The following ACOT11 variants were observed in gnomAD, a reference collection of about 807,000 sequenced individuals.
ACOT11 encodes the protein acyl-coenzyme A thioesterase 11.
A neutral mutation model predicts 77.5 loss-of-function variants in ACOT11; 69 were observed. The ratio of observed to expected loss-of-function variants is 0.89; its 90% confidence interval spans 0.73 to 1.09. The LOEUF is 1.09. Among genes scored for constraint, ACOT11 ranks in the 50% least tolerant of loss-of-function variants. The pLI is 0.00. For synonymous variants in ACOT11, 279 were observed against 313.0 expected, an observed-to-expected ratio of 0.89 and a Z score of 1.15; for missense variants, 766 against 813.7, an observed-to-expected ratio of 0.94 and a Z score of 0.71.
At chr1:54,617,227 A>G (rs925914446) in intron 15 of ACOT11, among the ~76,000 whole-genome samples, 2 of 152,158 alleles carry the variant, frequency 1.3e-5, no homozygotes, top group African/African-American at 4.8e-5. Context: ...AGCTGTCTCT[A>G]GATAATCATG....
In ACOT11 at chr1:54,599,353, C is replaced by A; in HGVS notation, c.822C>A (p.Gly274=). 1 of 1,609,318 alleles carries A rather than the reference C, an allele frequency of 6.2e-7. No homozygotes were observed. Among genetic ancestry groups the A allele is most frequent in the South Asian group, 1.1e-5 (1 of 90,590 alleles). Residue 274 remains glycine, a synonymous_variant, in exon 8 of 16, where the codon GGC becomes GGA. Coordinates refer to ENST00000343744, the MANE Select transcript of ACOT11 (RefSeq NM_147161.4). Reference sequence around the variant, plus strand: ...CCATTGAAATGTTCCACTTCCGAGGCCCGTCCCAGGTCGGCGACCGTCTGG... The same window carrying A: ...CCATTGAAATGTTCCACTTCCGAGGACCGTCCCAGGTCGGCGACCGTCTGG... ...LKAIEMFHFR[G]PSQVGDRLVL... is the part of the protein sequence containing the mutation.
chr1:54,603,920 T>C lies in ACOT11; in HGVS notation c.1135T>C (p.Trp379Arg). Residue 379 changes from tryptophan (W) to arginine (R), a missense_variant, in exon 11 of 16, where the codon TGG becomes CGG. Coordinates refer to ENST00000343744, the MANE Select transcript of ACOT11 (RefSeq NM_147161.4). ...KQTEVPLSVPWDPSNQVYLSY... is the reference protein window; with the variant it reads ...KQTEVPLSVPRDPSNQVYLSY... ...GACAGAGGTGCCCCTCTCCGTCCCC[T>C]GGGACCCTAGCAACCAGGTAAGGCT... 6.2e-7 allele frequency: 1 copy of C among 1,614,092 alleles called. No homozygotes were observed. Among genetic ancestry groups the C allele is most frequent in the Admixed American group, 1.7e-5 (1 of 60,014 alleles).
intron 1 of ACOT11, chr1:54,573,336 A>G: frequency 1.5e-6 from 1 of 682,624 alleles, no homozygotes; most frequent in Non-Finnish European, 1.8e-6. Context: ...TATATGTGCA[A>G]GTTACCTTTT....
At chr1:54,558,514 G>T (rs912964164) in intron 1 of ACOT11, among the ~76,000 whole-genome samples, 1 of 152,192 alleles carries the variant, frequency 6.6e-6, no homozygotes, top group Non-Finnish European at 1.5e-5. Context: ...TGATGAGGGG[G>T]TCAGGGGAGA....
At chr1:54,580,911 G>A (rs1654282664) in intron 1 of ACOT11, among the ~76,000 whole-genome samples, 2 of 152,238 alleles carry the variant, frequency 1.3e-5, no homozygotes, top group African/African-American at 4.8e-5. Flanking sequence ...GTTGGGGGAA[G>A]ACAGCGGGAG....
intron 15 of ACOT11, among the ~76,000 whole-genome samples, chr1:54,617,615 G>C (rs1371407548): frequency 6.7e-6 from 1 of 149,292 alleles, no homozygotes; most frequent in African/African-American, 2.5e-5. Context: ...CTGAGTTCCA[G>C]GCACCCAGCT....
chr1:54,611,806 C>G, downstream of ACOT11: 1 of 1,601,200 alleles, frequency 6.2e-7, no homozygotes. Context: ...CAGCCCCACT[C>G]CTGTGCTCAG....
chr1:54,612,620 C>A (rs200765716), downstream of ACOT11: 167 of 1,614,080 alleles, frequency 1.0e-4, no homozygotes, highest in East Asian at 2.3e-3. Context: ...CTTGGGTGTA[C>A]GTCCTGTTTG....
At chr1:54,619,426 C>T (rs1269375882) in intron 15 of ACOT11, among the ~76,000 whole-genome samples, 2 of 152,112 alleles carry the variant, frequency 1.3e-5, no homozygotes, top group East Asian at 3.9e-4. Flanking sequence ...CTATTTTTCT[C>T]CTGTGAAATG....
chr1:54,625,148 T>C (rs4926652), intron 15 of ACOT11, among the ~76,000 whole-genome samples: 42,693 of 151,372 alleles, frequency 0.28, 6,692 homozygotes, highest in Middle Eastern at 0.4. Flanking sequence ...ATGGGCCACC[T>C]GAGGCAGAGC....
At chr1:54,561,314 A>C (rs1414481789) in intron 1 of ACOT11, among the ~76,000 whole-genome samples, 4 of 91,814 alleles carry the variant, frequency 4.4e-5, no homozygotes, top group East Asian at 2.7e-4. Context: ...CTTAACGAGC[A>C]TGCTGCCTTC....
At chr1:54,605,777 TATTG>T (rs980894933) in intron 13 of ACOT11, among the ~76,000 whole-genome samples, 1 of 152,222 alleles carries the variant, frequency 6.6e-6, no homozygotes, top group African/African-American at 2.4e-5. Context: ...CCTCCAAATT[TATTG>T]ATTGTTCACA....
intron 8 of ACOT11, 151 bp from the exon 9 acceptor site, chr1:54,601,118 T>C (rs1259086963): frequency 7.4e-6 from 2 of 271,026 alleles, no homozygotes; most frequent in African/African-American, 7.8e-5. Context: ...TGTGCATACA[T>C]GTGTGTGTAT....
At chr1:54,633,056 T>C (rs1202274767) in intron 16 of ACOT11, among the ~76,000 whole-genome samples, 1 of 152,108 alleles carries the variant, frequency 6.6e-6, no homozygotes, top group Non-Finnish European at 1.5e-5. Flanking sequence ...TAGAAAAAGA[T>C]TTGCAAGGTT....
At chr1:54,572,982 A>G in intron 1 of ACOT11, 4 of 985,440 alleles carry the variant, frequency 4.1e-6, no homozygotes, top group Non-Finnish European at 3.6e-6. Context: ...TTCCTCACTG[A>G]CAGTGGCCCA....
chr1:54,623,523 T>C (rs1644251803), intron 15 of ACOT11: 11 of 716,106 alleles, frequency 1.5e-5, no homozygotes. Context: ...CCTGGTCTGC[T>C]CTGCAGCCCT....
At position 54,607,182 on chromosome 1, in the gene ACOT11, C is replaced by T. The variant is rs1415398780; in HGVS notation, c.1419C>T (p.His473=). The T allele has an allele frequency of 4.3e-6, 7 of 1,614,076 alleles. No homozygotes were observed. The highest frequency in any genetic ancestry group is 1.3e-5 in the African/African-American group (1 of 74,946). ...QQVDEDDAIY[H]VTSPALGGHT... The stretch of plus-strand genomic sequence containing the variant: ...TAGACGAGGACGACGCCATCTACCA[C>T]GTCACCAGCCCTGCCCTCGGAGGTC... Residue 473 remains histidine (H), a synonymous_variant, in exon 14 of 16, where the codon CAC becomes CAT. Coordinates refer to ENST00000343744, the MANE Select transcript of ACOT11 (RefSeq NM_147161.4). This position sits in a 1 kb window ranked among gnomAD's most constrained non-coding sequence, Gnocchi z 4.5.
intron 16 of ACOT11, among the ~76,000 whole-genome samples, chr1:54,632,384 A>G (rs1569818980): frequency 6.6e-6 from 1 of 152,376 alleles, no homozygotes; most frequent in African/African-American, 2.4e-5. Context: ...GGGTCCCAAC[A>G]GGAGTCTGTG....
At chr1:54,613,714 C>T (rs1644142416), downstream of ACOT11, among the ~76,000 whole-genome samples, 1 of 152,126 alleles carries the variant, frequency 6.6e-6, no homozygotes, top group African/African-American at 2.4e-5. Flanking sequence ...CCAAAAAAAC[C>T]CTACTGAGTA....
Sources: allele counts gnomAD v4.1 joint callset (sites outside exome capture counted in the v4.1 genomes callset), GRCh38; gene constraint gnomAD v4.1.1; non-coding constraint Gnocchi (gnomAD v3.1); transcripts MANE v1.5; gene names NCBI Gene and HGNC (gene_info 2026-07-23, HGNC 2026-07-21).